The following GALM variants were observed in gnomAD, a reference collection of about 807,000 sequenced individuals.
The protein encoded by GALM is galactose mutarotase.
A neutral mutation model predicts 37.4 loss-of-function variants in GALM; 43 were observed. The ratio of observed to expected loss-of-function variants is 1.15; its 90% CI spans 0.90 to 1.48. The LOEUF is 1.48. Among genes scored for constraint, GALM ranks in the 40% most tolerant of loss-of-function variants. The pLI is 0.00. For synonymous variants in GALM, 199 were observed against 170.6 expected, an observed-to-expected ratio of 1.17 and a Z score of -1.30; for missense variants, 456 against 419.1, an observed-to-expected ratio of 1.09 and a Z score of -0.77.
intron 4 of GALM, among the ~76,000 whole-genome samples, chr2:38,728,326 A>G (rs7604132): frequency 0.56 from 83,772 of 150,706 alleles, 22,141 homozygotes; most frequent in East Asian, 0.8. Context: ...CCTGGGAGGC[A>G]GAGGTGGCAG....
At chr2:38,699,222 T>C (rs1665869897) in intron 4 of GALM, among the ~76,000 whole-genome samples, 1 of 152,270 alleles carries the variant, frequency 6.6e-6, no homozygotes, top group South Asian at 2.1e-4. Flanking sequence ...CCCCAGCTGT[T>C]ATTATTTTTA....
intron 4 of GALM, among the ~76,000 whole-genome samples, chr2:38,727,981 C>A (rs1345464380): frequency 1.3e-5 from 2 of 152,152 alleles, no homozygotes; most frequent in South Asian, 2.1e-4. Flanking sequence ...AAGCCAAGTT[C>A]CTAAAATTGC....
At chr2:38,676,844 C>A (rs985183974) in intron 2 of GALM, among the ~76,000 whole-genome samples, 1 of 152,252 alleles carries the variant, frequency 6.6e-6, no homozygotes, top group African/African-American at 2.4e-5. Context: ...CCAAAACACT[C>A]ATTCTTACAC....
chr2:38,667,437 G>A (rs1035836023), intron 1 of GALM, among the ~76,000 whole-genome samples: 10 of 151,490 alleles, frequency 6.6e-5, no homozygotes, highest in African/African-American at 2.2e-4. Context: ...GAGCATGGTG[G>A]CACGTGCCTG....
At chr2:38,685,792 A>G (rs1572518286) in intron 3 of GALM, among the ~76,000 whole-genome samples, 3 of 151,970 alleles carry the variant, frequency 2.0e-5, no homozygotes, top group Admixed American at 2.0e-4. Context: ...ATCTCGGCTC[A>G]CGGCAATCTC....
intron 1 of GALM, among the ~76,000 whole-genome samples, chr2:38,674,151 G>A (rs1665182588): frequency 6.6e-6 from 1 of 151,860 alleles, no homozygotes; most frequent in Non-Finnish European, 1.5e-5. Flanking sequence ...AAAAGTACAG[G>A]ATGCCTGGTT....
At chr2:38,730,663 G>A (rs372152781) in intron 5 of GALM, among the ~76,000 whole-genome samples, 1 of 152,012 alleles carries the variant, frequency 6.6e-6, no homozygotes. Context: ...GCTCATGCCT[G>A]TAATCCCAGC....
rs34372976 is a variant in GALM, at chr2:38,720,414, TAAA to T, written c.635-9119_635-9117del. Among the ~76,000 whole-genome samples, 795 of 92,842 alleles carry T rather than the reference TAAA, an allele frequency of 8.6e-3. 14 individuals carry two copies. Among genetic ancestry groups the T allele is most frequent in the East Asian group, 0.04 (122 of 3,050 alleles). 60.9% of individuals were successfully genotyped at this position (92,842 alleles called of 152,430 possible). Reference sequence around the variant, plus strand: ...TAATCACGTGAAGGCACTTCTATGTTAAAAAAAAAAAAAAAAAAAAAAAAAGGC... The same window carrying T: ...TAATCACGTGAAGGCACTTCTATGTTAAAAAAAAAAAAAAAAAAAAAAGGC... On this transcript the variant is annotated intron_variant, in intron 4 of 6. Transcript: ENST00000272252.
intron 3 of GALM, among the ~76,000 whole-genome samples, chr2:38,685,512 A>T (rs953088584): frequency 6.6e-6 from 1 of 152,198 alleles, no homozygotes; most frequent in African/African-American, 2.4e-5. Flanking sequence ...TGTTACAAAC[A>T]GGTAGCAGCC....
Position 38,693,815 on chromosome 2 carries a change from A to G in GALM, c.634+3921A>G, listed in dbSNP as rs116714609. On this transcript the variant is annotated intron_variant, in intron 4 of 6. Transcript: ENST00000272252. ...CAAGTTGGGGAAAGCCGGGATTCACACCAAGGTAGTCTGGTATTAGAACTC... is the reference window on the plus strand; with the variant it reads ...CAAGTTGGGGAAAGCCGGGATTCACGCCAAGGTAGTCTGGTATTAGAACTC... 8.0e-3 allele frequency among the ~76,000 whole-genome samples: 1,220 copies of G among 152,310 alleles called. 16 individuals carry two copies. Among genetic ancestry groups the G allele is most frequent in the African/African-American group, 0.028 (1,147 of 41,570 alleles).
At chr2:38,671,611 G>T (rs923629525) in intron 1 of GALM, among the ~76,000 whole-genome samples, 3 of 152,194 alleles carry the variant, frequency 2.0e-5, no homozygotes, top group Non-Finnish European at 4.4e-5. Context: ...AAGCCAAAGC[G>T]TATCAGTAAC....
intron 4 of GALM, among the ~76,000 whole-genome samples, chr2:38,717,796 G>C (rs902853170): frequency 1.3e-5 from 2 of 150,096 alleles, no homozygotes; most frequent in African/African-American, 4.9e-5. Flanking sequence ...AAGACAGCTT[G>C]CATAGATTTG....
chr2:38,720,536 G>C (rs75394265), intron 4 of GALM, among the ~76,000 whole-genome samples: 1 of 151,426 alleles, frequency 6.6e-6, no homozygotes, highest in Non-Finnish European at 1.5e-5. Flanking sequence ...TCACCTCTTA[G>C]ATGCTAGCAG....
chr2:38,715,501 AATCACAGCTCACTTTAG>A (rs1310238687), intron 4 of GALM, among the ~76,000 whole-genome samples: 2 of 152,156 alleles, frequency 1.3e-5, no homozygotes, highest in African/African-American at 4.8e-5. Context: ...GCAGTGGTGC[AATCACAGCTCACTTTAG>A]CTTCATCCTC....
At chr2:38,693,483 CAA>C (rs11339764) in intron 4 of GALM, among the ~76,000 whole-genome samples, 3,681 of 101,238 alleles carry the variant, frequency 0.036, 140 homozygotes, top group African/African-American at 0.12. Context: ...ACTCTGCTTC[CAA>C]AAAAAAAAAA....
intron 4 of GALM, among the ~76,000 whole-genome samples, chr2:38,726,488 C>G (rs1048051589): frequency 1.3e-5 from 2 of 151,588 alleles, no homozygotes; most frequent in Admixed American, 1.3e-4. Context: ...GGCCTGCCAA[C>G]GTGCTGGGAT....
intron 6 of GALM, among the ~76,000 whole-genome samples, chr2:38,732,303 C>T (rs1666625023): frequency 6.6e-6 from 1 of 152,170 alleles, no homozygotes; most frequent in Non-Finnish European, 1.5e-5. Flanking sequence ...GGTGATCCAC[C>T]TGCCTTGGCC....
At chr2:38,708,510 G>A (rs1666086321) in intron 4 of GALM, among the ~76,000 whole-genome samples, 3 of 152,024 alleles carry the variant, frequency 2.0e-5, no homozygotes. Flanking sequence ...GGGAGGCCGA[G>A]GCGGGCGGAT....
At position 38,675,962 on chromosome 2, in the gene GALM, A is replaced by G. The variant is rs140986269; in HGVS notation, c.241A>G (p.Asn81Asp). The change falls in exon 2 of 7, where the codon AAC becomes GAC. Residue 81 changes from asparagine (N) to aspartate (D), a missense_variant. By Grantham distance (23) the Asn-to-Asp change is conservative (BLOSUM62 1). Transcript: ENST00000272252. ...YFGAVIGRVA[N>D]RIAKGTFKVD... ...TGGAGCAGTTATTGGGAGGGTGGCC[A>G]ACCGAATCGCCAAAGGAACCTTCAA... 21 of 1,613,996 alleles carry G rather than the reference A, an allele frequency of 1.3e-5. No homozygotes were observed. In the Middle Eastern group the frequency reaches 4.9e-4, roughly 38 times the overall value.
Sources: allele counts gnomAD v4.1 joint callset (sites outside exome capture counted in the v4.1 genomes callset), GRCh38; gene constraint gnomAD v4.1.1; transcripts MANE v1.5; gene names NCBI Gene and HGNC (gene_info 2026-07-23, HGNC 2026-07-21).